DPYD: variants seen among roughly 807,000 people sequenced by gnomAD.
DPYD encodes the protein dihydropyrimidine dehydrogenase.
In DPYD, 109 loss-of-function variants were observed where a neutral mutation model predicts 116.2. The observed-to-expected ratio is 0.94, with a 90% CI of 0.80 to 1.10. The LOEUF (loss-of-function observed/expected upper bound fraction) is 1.10. DPYD is among the 50% of genes least tolerant of loss of function. The pLI is 0.00. For missense variants in DPYD, 1,302 were observed against 1,254.5 expected, an observed-to-expected ratio of 1.04 and a Z score of -0.57; for synonymous variants, 440 against 432.0, an observed-to-expected ratio of 1.02 and a Z score of -0.23.
At chr1:97,729,534 CTAAATAAATAT>C (rs1663467385) in intron 4 of DPYD, among the ~76,000 whole-genome samples, 1 of 151,662 alleles carries the variant, frequency 6.6e-6, no homozygotes, top group Non-Finnish European at 1.5e-5. Flanking sequence ...TTAATATTTA[CTAAATAAATAT>C]TAAATAAATA....
chr1:97,407,080 C>T (rs776374868), intron 14 of DPYD, among the ~76,000 whole-genome samples: 1 of 152,016 alleles, frequency 6.6e-6, no homozygotes, highest in East Asian at 1.9e-4. Context: ...CTTTCAGAGG[C>T]TTTAACAAAT....
rs186269324 is a variant in DPYD at position 97,719,786 on chromosome 1, T to C, written c.483+1724A>G. ...GTAGTTCCCACGAGGACATTTTTAA[T>C]TTATAATTTGATATTGAAATTACAA... On this transcript the variant is annotated intron_variant, in intron 5 of 22. Coordinates refer to ENST00000370192, the MANE Select transcript of DPYD (RefSeq NM_000110.4). 44 of 984,880 alleles carry C rather than the reference T, an allele frequency of 4.5e-5. No homozygotes were observed. The Middle Eastern group carries it at 3.7e-3, about 82-fold the overall frequency. 61.0% of individuals were successfully genotyped at this position (984,880 alleles called of 1,614,324 possible). A position where few individuals can be genotyped will look rare whatever the true frequency, so the allele number is the denominator to read the frequency against.
intron 3 of DPYD, among the ~76,000 whole-genome samples, chr1:97,777,568 C>G (rs1309913857): frequency 2.0e-5 from 3 of 152,150 alleles, no homozygotes; most frequent in Admixed American, 2.0e-4. Flanking sequence ...AGCCAGCTAA[C>G]CCTAGAACAC....
chr1:97,247,426 G>C (rs1297683070), intron 18 of DPYD, among the ~76,000 whole-genome samples: 1 of 152,086 alleles, frequency 6.6e-6, no homozygotes, highest in Non-Finnish European at 1.5e-5. Context: ...TGCCAAAAAT[G>C]GGAAGCTAGT....
chr1:97,909,740 G>A (rs1414102823), intron 1 of DPYD, among the ~76,000 whole-genome samples: 4 of 152,066 alleles, frequency 2.6e-5, no homozygotes, highest in African/African-American at 4.8e-5. Context: ...GTTGAGCTAC[G>A]CTGTCTTTAA....
intron 8 of DPYD, among the ~76,000 whole-genome samples, chr1:97,621,125 A>G (rs1032645928): frequency 2.0e-5 from 3 of 152,196 alleles, no homozygotes; most frequent in Non-Finnish European, 4.4e-5. Context: ...ACTCATCAAT[A>G]GCATATAGGA....
At chr1:97,212,765 T>C (rs1010447444) in intron 19 of DPYD, among the ~76,000 whole-genome samples, 4 of 152,154 alleles carry the variant, frequency 2.6e-5, no homozygotes, top group Admixed American at 2.6e-4. Context: ...GCCATTTTAG[T>C]GGGCAGAAAT....
chr1:97,599,337 T>A (rs1284482218), intron 8 of DPYD, among the ~76,000 whole-genome samples: 1 of 152,190 alleles, frequency 6.6e-6, no homozygotes. Context: ...TCTTTCCTTG[T>A]GCTCACATAA....
Position 97,391,152 on chromosome 1 carries a change from G to A in DPYD, c.1906-8691C>T, listed in dbSNP as rs1327254109. 2.0e-5 allele frequency among the ~76,000 whole-genome samples: 3 copies of A among 147,564 alleles called. No homozygotes were observed. In the South Asian group the frequency reaches 6.4e-4, roughly 32 times the overall value. ...GTCCTCTTTTAGTCTCATTTCACAT[G>A]CATTCACTAGACATCATATTCGCAA... is the stretch of plus-strand genomic sequence containing the variant. On this transcript the variant is annotated intron_variant, in intron 14 of 22. Coordinates refer to ENST00000370192, the MANE Select transcript of DPYD (RefSeq NM_000110.4).
chr1:97,565,926 A>G (rs1557803071), intron 11 of DPYD, among the ~76,000 whole-genome samples: 1 of 152,240 alleles, frequency 6.6e-6, no homozygotes, highest in Non-Finnish European at 1.5e-5. Flanking sequence ...ACATGCATGA[A>G]GTAAGTAGGC....
At chr1:97,607,601 G>A (rs1365031655) in intron 8 of DPYD, among the ~76,000 whole-genome samples, 1 of 151,500 alleles carries the variant, frequency 6.6e-6, no homozygotes, top group Non-Finnish European at 1.5e-5. Flanking sequence ...AGGCCAAGAG[G>A]GGAGCATAAG....
chr1:97,284,113 C>A lies in DPYD; in HGVS notation c.2299+21146G>T, dbSNP rs188912284. Among the ~76,000 whole-genome samples, 12 of 152,262 alleles carry A rather than the reference C, an allele frequency of 7.9e-5. No homozygotes were observed. The East Asian group carries it at 2.1e-3, about 27-fold the overall frequency. On this transcript the variant is annotated intron_variant, in intron 18 of 22. Coordinates refer to ENST00000370192, the MANE Select transcript of DPYD (RefSeq NM_000110.4). The stretch of plus-strand genomic sequence containing the variant: ...TTTCCTAGGTATATGAACAGAGCAT[C>A]TCTATTAACAATAATGGTATTTTCT...
chr1:97,125,605 T>G (rs1016876989), intron 20 of DPYD, among the ~76,000 whole-genome samples: 35 of 152,014 alleles, frequency 2.3e-4, no homozygotes, highest in African/African-American at 8.5e-4. Context: ...CCAATTCATA[T>G]ATTGAAACCC....
chr1:97,515,703 T>C (rs1167474305), intron 13 of DPYD, 23 bp downstream of exon 13: 5 of 1,598,892 alleles, frequency 3.1e-6, no homozygotes, highest in Non-Finnish European at 4.3e-6. Context: ...CATTTCTATA[T>C]GACTTCAATA....
chr1:97,381,085 T>C (rs1261276393), intron 15 of DPYD, among the ~76,000 whole-genome samples: 4 of 152,210 alleles, frequency 2.6e-5, no homozygotes, highest in Admixed American at 2.0e-4. Context: ...GGAGAGATTT[T>C]GCAGACTGTT....
chr1:97,081,917 A>G (rs1294401776), intron 22 of DPYD, among the ~76,000 whole-genome samples: 1 of 151,844 alleles, frequency 6.6e-6, no homozygotes, highest in African/African-American at 2.4e-5. Context: ...ATCAATACTG[A>G]ATGGAAGAGA....
chr1:97,447,131 C>CA (rs1676132609), intron 14 of DPYD, among the ~76,000 whole-genome samples: 1 of 152,192 alleles, frequency 6.6e-6, no homozygotes, highest in Non-Finnish European at 1.5e-5. Context: ...TCTCTGGAAA[C>CA]AGAGACATTA....
At chr1:97,492,370 T>C (rs908631715) in intron 13 of DPYD, among the ~76,000 whole-genome samples, 4 of 152,120 alleles carry the variant, frequency 2.6e-5, no homozygotes, top group African/African-American at 9.7e-5. Flanking sequence ...CATATGTAAG[T>C]ATTGACTGTG....
chr1:97,273,694 T>C lies in DPYD; in HGVS notation c.2299+31565A>G, dbSNP rs80297707. Among the ~76,000 whole-genome samples the C allele has an allele frequency of 7.4e-3, 1,133 of 152,320 alleles. 13 individuals are homozygous for C. Among genetic ancestry groups the C allele is most frequent in the African/African-American group, 0.026 (1,085 of 41,588 alleles). ...AGGATTTGTATGTTTATTGCTTTTT[T>C]GTAAGACATTTATCCAGCTCTCTCA... On this transcript the variant is annotated intron_variant, in intron 18 of 22. Coordinates refer to ENST00000370192, the MANE Select transcript of DPYD (RefSeq NM_000110.4).
Sources: allele counts gnomAD v4.1 joint callset (sites outside exome capture counted in the v4.1 genomes callset), GRCh38; gene constraint gnomAD v4.1.1; transcripts MANE v1.5; gene names NCBI Gene and HGNC (gene_info 2026-07-23, HGNC 2026-07-21).